Variants in CLUAP1 observed in about 807,000 individuals in gnomAD.
CLUAP1 encodes the protein clusterin-associated protein 1.
Under a neutral mutation model 55.0 loss-of-function variants are expected in CLUAP1, and 50 were observed. That is an observed-to-expected ratio of 0.91 (90% CI 0.72 to 1.15). The LOEUF is 1.15. CLUAP1 is among the 50% of genes most tolerant of loss of function. CLUAP1 has a pLI of 0.00. For missense variants in CLUAP1, 530 were observed against 507.6 expected (o/e 1.04, Z -0.42); for synonymous variants, 195 against 175.4 (o/e 1.11, Z -0.88).
chr16:3,527,720 CT>C (rs1262515717), intron 9 of CLUAP1, among the ~76,000 whole-genome samples: 1 of 152,134 alleles, frequency 6.6e-6, no homozygotes, highest in Admixed American at 6.5e-5. Flanking sequence ...CTGGCTCTGC[CT>C]TTTAGATAGT....
At chr16:3,514,583 A>G (rs981253572) in intron 5 of CLUAP1, among the ~76,000 whole-genome samples, 2 of 152,188 alleles carry the variant, frequency 1.3e-5, no homozygotes, top group African/African-American at 4.8e-5. Flanking sequence ...CCAAAACACA[A>G]TAAGCTGAGT....
intron 4 of CLUAP1, chr16:3,509,786 G>T (rs2037584348): frequency 6.6e-6 from 1 of 152,194 alleles, no homozygotes; most frequent in African/African-American, 2.4e-5. Flanking sequence ...CCTTGTCATG[G>T]TCTATAGTTG....
chr16:3,512,511 A>T, intron 5 of CLUAP1, 33 bp downstream of exon 5: 1 of 1,509,776 alleles, frequency 6.6e-7, no homozygotes, highest in Non-Finnish European at 9.2e-7. Context: ...AACCATGCAG[A>T]TTTTCTCTTC....
At chr16:3,516,112 G>A (rs1229915062) in intron 6 of CLUAP1, among the ~76,000 whole-genome samples, 1 of 152,122 alleles carries the variant, frequency 6.6e-6, no homozygotes, top group Non-Finnish European at 1.5e-5. Context: ...CCCTCTCTGT[G>A]CCTCATTTTC....
chr16:3,512,950 G>T (rs1429140873), intron 5 of CLUAP1, among the ~76,000 whole-genome samples: 1 of 152,182 alleles, frequency 6.6e-6, no homozygotes, highest in African/African-American at 2.4e-5. Flanking sequence ...AAAGTGCTGG[G>T]ATTACCGGTG....
intron 4 of CLUAP1, 65 bp downstream of exon 4, chr16:3,508,533 G>T: frequency 7.1e-7 from 1 of 1,400,688 alleles, no homozygotes; most frequent in Non-Finnish European, 9.5e-7. Flanking sequence ...TGAAGTGGAA[G>T]GAGTCTGCTA....
chr16:3,515,120 A>G (rs2037704946), intron 5 of CLUAP1, among the ~76,000 whole-genome samples: 2 of 152,076 alleles, frequency 1.3e-5, no homozygotes, highest in Non-Finnish European at 2.9e-5. Flanking sequence ...TGATCCTAGC[A>G]CTGTGGGAGA....
In CLUAP1 at chr16:3,508,543, A is replaced by G. The variant is rs1356092508; in HGVS notation, c.399+75A>G. 2.3e-6 allele frequency: 3 copies of G among 1,318,678 alleles called. No individual in the cohort carries two copies. The African/African-American group carries it at 4.6e-5, about 20-fold the overall frequency. 81.7% of individuals were successfully genotyped at this position (1,318,678 alleles called of 1,614,324 possible). ...AGCTCTGAAGTGGAAGGAGTCTGCT[A>G]CAGCTCCGCTGCTTTTCTTCCTCCT... On this transcript the variant is annotated intron_variant, in intron 4 of 11. Transcript: ENST00000576634.
At chr16:3,530,528 G>A (rs1047777015) in intron 9 of CLUAP1, 40 bp from the exon 10 acceptor site, 30 of 1,463,794 alleles carry the variant, frequency 2.0e-5, no homozygotes, top group Non-Finnish European at 2.5e-5. Context: ...TTGTGATCAT[G>A]AAGCCACTCC....
At chr16:3,504,541 A>C in intron 1 of CLUAP1, among the ~76,000 whole-genome samples, 179 bp from the exon 2 acceptor site, 1 of 152,310 alleles carries the variant, frequency 6.6e-6, no homozygotes, top group South Asian at 2.1e-4. Flanking sequence ...CTTTTTAGGT[A>C]GCATTTTTGG....
At chr16:3,501,547 C>T (rs975289413) in intron 1 of CLUAP1, among the ~76,000 whole-genome samples, 1 of 152,154 alleles carries the variant, frequency 6.6e-6, no homozygotes, top group Non-Finnish European at 1.5e-5. Flanking sequence ...CTTTGGGAGG[C>T]CGAGGCGGGC....
intron 5 of CLUAP1, 89 bp from the exon 6 acceptor site, chr16:3,515,419 C>A: frequency 2.3e-6 from 2 of 860,740 alleles, no homozygotes; most frequent in Non-Finnish European, 3.6e-6. Context: ...TTCGGAGAAT[C>A]AGTCTATAAG....
chr16:3,512,601 T>G, intron 5 of CLUAP1, 123 bp downstream of exon 5: 1 of 704,908 alleles, frequency 1.4e-6, no homozygotes, highest in South Asian at 1.9e-5. Flanking sequence ...AGCTAATGTG[T>G]GGAAAGGTGA....
At chr16:3,533,122 A>G in intron 11 of CLUAP1, 1 of 1,536,078 alleles carries the variant, frequency 6.5e-7, no homozygotes, top group Non-Finnish European at 8.7e-7. Flanking sequence ...CAGCTCTCTT[A>G]GGTAAATGCA....
rs546383233 is a variant in CLUAP1, at chr16:3,515,781, T to TA, written c.579+195dup. ...ATCATTTTTTTCCCCTCGTTATAAA[T>TA]AAAAACAGCTTCTCATGTTATTAAA... On this transcript the variant is annotated intron_variant, in intron 6 of 11. Coordinates refer to ENST00000576634, the MANE Select transcript of CLUAP1 (RefSeq NM_015041.3). Among the ~76,000 whole-genome samples, 247 of 152,326 alleles carry TA rather than the reference T, an allele frequency of 1.6e-3. 1 individual carries two copies. Among genetic ancestry groups the TA allele is most frequent in the African/African-American group, 5.7e-3 (236 of 41,590 alleles).
intron 11 of CLUAP1, 90 bp from the exon 12 acceptor site, chr16:3,536,032 C>A: frequency 6.7e-7 from 1 of 1,483,572 alleles, no homozygotes; most frequent in South Asian, 1.3e-5. Flanking sequence ...CACAGGGATG[C>A]TGCTATAGAA....
intron 1 of CLUAP1, among the ~76,000 whole-genome samples, chr16:3,502,445 A>T (rs529530153): frequency 6.7e-6 from 1 of 150,086 alleles, no homozygotes; most frequent in South Asian, 2.1e-4. Context: ...CTGTCTTTAA[A>T]AAAAAAAAAA....
upstream of CLUAP1, chr16:3,496,402 G>C: frequency 9.1e-7 from 1 of 1,098,738 alleles, no homozygotes; most frequent in Non-Finnish European, 1.3e-6. Flanking sequence ...TTTCCCGGAT[G>C]ATCCGGAAGA....
upstream of CLUAP1, chr16:3,496,339 G>C (rs757180918): frequency 6.8e-6 from 8 of 1,178,384 alleles, 1 homozygote; most frequent in Middle Eastern, 1.0e-3. Context: ...CATTCAACCA[G>C]GTTGTGCTGA....
Sources: gnomAD v4.1 joint callset for allele counts (sites outside exome capture counted in the v4.1 genomes callset) on GRCh38, gnomAD v4.1.1 for gene constraint, MANE v1.5 for transcripts, NCBI Gene and HGNC (gene_info 2026-07-23, HGNC 2026-07-21) for gene names.